MPDZ: variants seen among roughly 807,000 people sequenced by gnomAD.
MPDZ encodes multiple PDZ domain crumbs cell polarity complex component.
Under a neutral mutation model 239.1 loss-of-function variants are expected in MPDZ, and 234 were observed. The observed-to-expected ratio is 0.98, with a 90% confidence interval of 0.88 to 1.09. MPDZ has a LOEUF of 1.09. MPDZ is among the 50% of genes least tolerant of loss of function. The pLI is 0.00. For missense variants in MPDZ, 3,175 were observed against 2,510.0 expected, an observed-to-expected ratio of 1.26 and a Z score of -5.66; for synonymous variants, 1,048 against 881.3, an observed-to-expected ratio of 1.19 and a Z score of -3.35.
intron 32 of MPDZ, 60 bp from the exon 33 acceptor site, chr9:13,126,832 G>C (rs1321158502): frequency 8.0e-6 from 11 of 1,372,572 alleles, no homozygotes; most frequent in Non-Finnish European, 1.1e-5. Context: ...TTATCCAAAT[G>C]GATACCAAGG....
intron 40 of MPDZ, 57 bp from the exon 41 acceptor site, chr9:13,114,078 A>G: frequency 1.5e-6 from 2 of 1,292,140 alleles, no homozygotes; most frequent in Non-Finnish European, 1.1e-6. Flanking sequence ...CTCCCTAAAT[A>G]CCACTTATTT....
intron 1 of MPDZ, among the ~76,000 whole-genome samples, chr9:13,254,740 A>G (rs1361720537): frequency 1.3e-5 from 2 of 152,172 alleles, no homozygotes; most frequent in African/African-American, 2.4e-5. Context: ...GTGCAGTAGC[A>G]TTATGTCTAG....
intron 24 of MPDZ, among the ~76,000 whole-genome samples, chr9:13,154,497 G>T (rs540817935): frequency 2.0e-5 from 3 of 152,062 alleles, no homozygotes; most frequent in Non-Finnish European, 4.4e-5. Context: ...TGTGACACAG[G>T]GCATTTATTT....
At chr9:13,122,428 A>G (rs187717907) in intron 36 of MPDZ, among the ~76,000 whole-genome samples, 2 of 152,204 alleles carry the variant, frequency 1.3e-5, no homozygotes, top group East Asian at 3.8e-4. Flanking sequence ...GCATACATAG[A>G]TGAGAGATAA....
At position 13,196,227 on chromosome 9, in the gene MPDZ, T is replaced by C. The variant is rs1353687416; in HGVS notation, c.1550A>G (p.Tyr517Cys). 2 of 1,582,380 alleles carry C rather than the reference T, an allele frequency of 1.3e-6. No individual in the cohort carries two copies. Among genetic ancestry groups the C allele is most frequent in the African/African-American group, 1.3e-5 (1 of 74,754 alleles). ...TTCTATCTCAGCTGACAGTAATGGA[T>C]ACCCTGAAACAGTCAAGGCAATTAA... is the stretch of plus-strand genomic sequence containing the variant. ...TNILPTEEEGYPLLSAEIEEI... is the reference protein window; with the variant it reads ...TNILPTEEEGCPLLSAEIEEI... The change falls in exon 13 of 47, where the codon TAT becomes TGT. Residue 517 changes from tyrosine to cysteine, a missense_variant. Transcript: ENST00000319217.
intron 10 of MPDZ, among the ~76,000 whole-genome samples, chr9:13,212,744 G>C (rs749003848): frequency 1.4e-5 from 2 of 146,548 alleles, no homozygotes; most frequent in South Asian, 2.1e-4. Context: ...AGGCAGAGGC[G>C]AGAGGATCTG....
intron 25 of MPDZ, among the ~76,000 whole-genome samples, chr9:13,149,500 G>GTTTTC (rs1409219945): frequency 1.3e-5 from 2 of 151,946 alleles, no homozygotes; most frequent in African/African-American, 4.8e-5. Context: ...GAAAATCTAG[G>GTTTTC]TCAGGTACTC....
intron 2 of MPDZ, 36 bp downstream of exon 2, chr9:13,250,264 T>C: frequency 1.9e-6 from 3 of 1,581,298 alleles, no homozygotes; most frequent in Non-Finnish European, 2.6e-6. Context: ...GGAGTTACAA[T>C]TCTTATAAAA....
intron 1 of MPDZ, among the ~76,000 whole-genome samples, chr9:13,267,138 A>G (rs925756218): frequency 2.0e-5 from 3 of 152,352 alleles, no homozygotes; most frequent in African/African-American, 7.2e-5. Flanking sequence ...ACAACTAATA[A>G]TAAAATTGCA....
At chr9:13,275,460 G>C (rs983494157) in intron 1 of MPDZ, among the ~76,000 whole-genome samples, 1 of 152,154 alleles carries the variant, frequency 6.6e-6, no homozygotes, top group African/African-American at 2.4e-5. Flanking sequence ...AGAACTGTGA[G>C]GAAATAAATT....
chr9:13,123,328 T>A, intron 35 of MPDZ, 30 bp from the exon 36 acceptor site: 1 of 1,558,500 alleles, frequency 6.4e-7, no homozygotes, highest in Non-Finnish European at 8.7e-7. Flanking sequence ...GAAATACAAA[T>A]AAAAATTGGT....
At chr9:13,205,584 T>C (rs1364928335) in intron 11 of MPDZ, among the ~76,000 whole-genome samples, 1 of 152,084 alleles carries the variant, frequency 6.6e-6, no homozygotes, top group Admixed American at 6.6e-5. Context: ...CCCCCTAAAG[T>C]GAGAACATTG....
intron 24 of MPDZ, among the ~76,000 whole-genome samples, chr9:13,151,680 A>G (rs903590094): frequency 3.3e-5 from 5 of 152,216 alleles, no homozygotes; most frequent in Admixed American, 3.3e-4. Context: ...ATGGAATTAC[A>G]GTTTTGCAAG....
rs529955967 is a variant in MPDZ, at chr9:13,241,969, T to G, written c.183+5666A>C. 2.6e-5 allele frequency among the ~76,000 whole-genome samples: 4 copies of G among 152,210 alleles called. No homozygotes were observed. The South Asian group carries it at 8.3e-4, about 32-fold the overall frequency. On this transcript the variant is annotated intron_variant, in intron 3 of 46. Transcript: ENST00000319217. Reference sequence around the variant, plus strand: ...TTGACTACCTGACTACCTACATTTCTAGGTTTTCTAGAATTTGCTCCTGTT... The same window carrying G: ...TTGACTACCTGACTACCTACATTTCGAGGTTTTCTAGAATTTGCTCCTGTT...
intron 35 of MPDZ, among the ~76,000 whole-genome samples, chr9:13,124,725 G>C (rs2131734353): frequency 6.6e-6 from 1 of 152,210 alleles, no homozygotes; most frequent in African/African-American, 2.4e-5. Flanking sequence ...AATGACTAAA[G>C]AGTTTCTTAC....
chr9:13,250,070 T>G (rs769650712), intron 2 of MPDZ, among the ~76,000 whole-genome samples: 1 of 152,206 alleles, frequency 6.6e-6, no homozygotes, highest in South Asian at 2.1e-4. Context: ...TGGAAGAATA[T>G]CTCATATGTT....
At chr9:13,212,788 G>A (rs1475890723) in intron 10 of MPDZ, among the ~76,000 whole-genome samples, 6 of 115,218 alleles carry the variant, frequency 5.2e-5, no homozygotes, top group African/African-American at 7.7e-5. Flanking sequence ...CCTGGTCAAG[G>A]TTTAAAAAAA....
chr9:13,186,084 T>G (rs1270601266), intron 18 of MPDZ, among the ~76,000 whole-genome samples, 186 bp downstream of exon 18: 1 of 152,198 alleles, frequency 6.6e-6, no homozygotes, highest in Non-Finnish European at 1.5e-5. Flanking sequence ...TCACAAATGT[T>G]TTTCATATTT....
intron 45 of MPDZ, 92 bp from the exon 46 acceptor site, chr9:13,109,151 G>A: frequency 2.9e-6 from 3 of 1,036,988 alleles, no homozygotes; most frequent in Non-Finnish European, 3.7e-6. Flanking sequence ...CCTAGAGCTA[G>A]CATAATTCTC....
Sources: gnomAD v4.1 joint callset for allele counts (sites outside exome capture counted in the v4.1 genomes callset) on GRCh38, gnomAD v4.1.1 for gene constraint, MANE v1.5 for transcripts, NCBI Gene and HGNC (gene_info 2026-07-23, HGNC 2026-07-21) for gene names.